TBC1D13: variants seen among roughly 807,000 people sequenced by gnomAD.
The protein encoded by TBC1D13 is TBC1 domain family member 13, also known as epididymis secretory sperm binding protein.
A neutral mutation model predicts 53.6 loss-of-function variants in TBC1D13; 40 were observed. The observed-to-expected ratio is 0.75, with a 90% confidence interval of 0.58 to 0.97. The LOEUF is 0.97. TBC1D13 is among the 50% of genes least tolerant of loss of function. TBC1D13 has a pLI of 0.00. For synonymous variants in TBC1D13, 182 were observed against 197.7 expected, an observed-to-expected ratio of 0.92 and a Z score of 0.67; for missense variants, 377 against 499.4, an observed-to-expected ratio of 0.75 and a Z score of 2.34.
chr9:128,797,241 G>C, intron 7 of TBC1D13, 27 bp downstream of exon 7: 3 of 1,611,800 alleles, frequency 1.9e-6, no homozygotes, highest in Non-Finnish European at 2.5e-6. Flanking sequence ...GGTCCCCAGG[G>C]ACTCCCCCAA....
chr9:128,804,661 G>A (rs538223008), intron 9 of TBC1D13, among the ~76,000 whole-genome samples: 20 of 150,980 alleles, frequency 1.3e-4, no homozygotes, highest in Non-Finnish European at 2.2e-4. Context: ...CACCCGCCTC[G>A]GCCTCCCAAA....
intron 5 of TBC1D13, among the ~76,000 whole-genome samples, chr9:128,792,238 G>C (rs1829546366): frequency 6.6e-6 from 1 of 152,250 alleles, no homozygotes; most frequent in Admixed American, 6.5e-5. Flanking sequence ...AAAAGGAACA[G>C]AGTCCCTGCC....
rs140186128 is a variant in TBC1D13 at position 128,803,608 on chromosome 9, T to C, written c.754+148T>C. ...GAGATCCTTTGCAGCTGTGATCTTC[T>C]AGAATGTTGGTTGTTTACTGATCTC... On this transcript the variant is annotated intron_variant, in intron 8 of 11. Coordinates refer to ENST00000372648, the MANE Select transcript of TBC1D13 (RefSeq NM_018201.5). 4.6e-4 allele frequency: 355 copies of C among 766,902 alleles called. 3 individuals are homozygous for C. The East Asian group carries it at 9.1e-3, about 20-fold the overall frequency. 47.5% of individuals were successfully genotyped at this position (766,902 alleles called of 1,614,324 possible).
chr9:128,800,096 G>A (rs1334512544), intron 7 of TBC1D13, among the ~76,000 whole-genome samples: 1 of 152,236 alleles, frequency 6.6e-6, no homozygotes, highest in African/African-American at 2.4e-5. Flanking sequence ...CTGCATGTGT[G>A]CGCATACATA....
intron 2 of TBC1D13, among the ~76,000 whole-genome samples, chr9:128,789,050 C>T (rs1157152035): frequency 1.3e-5 from 2 of 152,168 alleles, no homozygotes; most frequent in Non-Finnish European, 2.9e-5. Context: ...GGCCGGGTGC[C>T]GTGGCTCATG....
At chr9:128,796,741 CATCCTGGCTAACA>C (rs1829637417) in intron 6 of TBC1D13, among the ~76,000 whole-genome samples, 1 of 151,638 alleles carries the variant, frequency 6.6e-6, no homozygotes, top group Non-Finnish European at 1.5e-5. Context: ...AGATCAAGAC[CATCCTGGCTAACA>C]TGGTGAAACT....
At chr9:128,793,135 C>A (rs1353137048) in intron 6 of TBC1D13, among the ~76,000 whole-genome samples, 1 of 152,202 alleles carries the variant, frequency 6.6e-6, no homozygotes, top group African/African-American at 2.4e-5. Context: ...GGGAACTGCC[C>A]TTGGCAAGGT....
chr9:128,804,720 G>GTTTTTTTT (rs1170366996), intron 9 of TBC1D13, among the ~76,000 whole-genome samples: 5 of 56,388 alleles, frequency 8.9e-5, no homozygotes, highest in African/African-American at 1.6e-4. Context: ...TTTTTTTTCT[G>GTTTTTTTT]TTTTTTTTTT....
chr9:128,788,519 C>G (rs1564421871), intron 2 of TBC1D13, 112 bp downstream of exon 2: 7 of 916,592 alleles, frequency 7.6e-6, no homozygotes, highest in Non-Finnish European at 1.2e-5. Context: ...GGGCTGGGGC[C>G]TTGGAAGGAA....
rs1829923150 is a variant in TBC1D13, at chr9:128,810,193, CCA to C, written c.*2315_*2316del. 1 of 152,178 alleles carries C rather than the reference CCA, an allele frequency of 6.6e-6. No individual in the cohort carries two copies. The highest frequency in any genetic ancestry group is 2.1e-4 in the South Asian group (1 of 4,832). 9.4% of individuals were successfully genotyped at this position (152,178 alleles called of 1,614,324 possible). ...GACCTGCCCTGATAATGTCCCTTCC[CCA>C]GATTCTCAAGCAGATGCCCAAGGGA... On this transcript the variant is annotated 3_prime_UTR_variant, in exon 12 of 12. Transcript: ENST00000372648.
chr9:128,788,543 T>A, intron 2 of TBC1D13, 136 bp downstream of exon 2: 1 of 712,442 alleles, frequency 1.4e-6, no homozygotes, highest in East Asian at 2.6e-5. Flanking sequence ...ACACACAGAC[T>A]CTTGGGGCCT....
chr9:128,789,902 G>C (rs1829499939), intron 2 of TBC1D13: 1 of 151,400 alleles, frequency 6.6e-6, no homozygotes, highest in Admixed American at 6.6e-5. Context: ...AGGATGACAT[G>C]GTGGTGGTAA....
intron 6 of TBC1D13, among the ~76,000 whole-genome samples, chr9:128,796,336 G>A (rs556409718): frequency 1.1e-3 from 169 of 151,712 alleles, no homozygotes; most frequent in Non-Finnish European, 1.8e-3. Flanking sequence ...TGCAACCTCC[G>A]CCTCCCAGGT....
At chr9:128,806,664 C>T (rs751410348) in intron 11 of TBC1D13, among the ~76,000 whole-genome samples, 16 of 152,052 alleles carry the variant, frequency 1.1e-4, no homozygotes, top group Admixed American at 5.2e-4. Context: ...ATGGGCTCAC[C>T]GGGCGCGGTG....
chr9:128,799,095 G>T (rs2132543446), intron 7 of TBC1D13, among the ~76,000 whole-genome samples: 1 of 152,296 alleles, frequency 6.6e-6, no homozygotes, highest in East Asian at 1.9e-4. Flanking sequence ...AGAGTTGGGT[G>T]CCCAGCAGAA....
chr9:128,789,334 A>AAAAG (rs1829486995), intron 2 of TBC1D13, among the ~76,000 whole-genome samples: 1 of 151,358 alleles, frequency 6.6e-6, no homozygotes, highest in Non-Finnish European at 1.5e-5. Context: ...AAAAAAAAAA[A>AAAAG]AAGAACTTCT....
At chr9:128,792,049 G>C (rs989941067) in intron 5 of TBC1D13, among the ~76,000 whole-genome samples, 2 of 152,180 alleles carry the variant, frequency 1.3e-5, no homozygotes, top group Admixed American at 1.3e-4. Context: ...GCTCCTCCCT[G>C]GGCTTCACAG....
At chr9:128,792,236 C>G (rs1432452272) in intron 5 of TBC1D13, among the ~76,000 whole-genome samples, 1 of 152,226 alleles carries the variant, frequency 6.6e-6, no homozygotes, top group African/African-American at 2.4e-5. Context: ...AGAAAAGGAA[C>G]AGAGTCCCTG....
rs1829773905 is a variant in TBC1D13 at position 128,803,480 on chromosome 9, C to A, written c.754+20C>A. On this transcript the variant is annotated intron_variant, in intron 8 of 11. Transcript: ENST00000372648. ...GGAAAGGTAAGAAGGCTCTTGGTGC[C>A]CACATCCCTCGTTGCTGGCCCGTGT... 6 of 1,610,894 alleles carry A rather than the reference C, an allele frequency of 3.7e-6. No individual in the cohort carries two copies. Among genetic ancestry groups the A allele is most frequent in the South Asian group, 1.1e-5 (1 of 91,000 alleles).
Sources: gnomAD v4.1 joint callset for allele counts (sites outside exome capture counted in the v4.1 genomes callset) on GRCh38, gnomAD v4.1.1 for gene constraint, MANE v1.5 for transcripts, NCBI Gene and HGNC (gene_info 2026-07-23, HGNC 2026-07-21) for gene names.